CLCN1: variants seen among roughly 807,000 people sequenced by gnomAD.
The protein encoded by CLCN1 is chloride voltage-gated channel 1.
CLCN1 carries 100 observed loss-of-function variants against 114.5 expected under a neutral mutation model. The observed-to-expected ratio is 0.87, with a 90% CI of 0.74 to 1.03. The LOEUF (loss-of-function observed/expected upper bound fraction) is 1.03, where lower values mean the gene tolerates loss of function less well. Among genes scored for constraint, CLCN1 ranks in the 50% least tolerant of loss-of-function variants. The probability of loss-of-function intolerance (pLI) is 0.00; values close to 1 mark genes in which losing one functional copy is unlikely to be tolerated. For synonymous variants in CLCN1, 485 were observed against 487.1 expected, an observed-to-expected ratio of 1.00 and a Z score of 0.06; for missense variants, 1,188 against 1,250.0, an observed-to-expected ratio of 0.95 and a Z score of 0.75.
chr7:143,328,168 T>C (rs981898362), intron 7 of CLCN1, among the ~76,000 whole-genome samples: 2 of 152,220 alleles, frequency 1.3e-5, no homozygotes, highest in Non-Finnish European at 2.9e-5. Context: ...GAGACCATTT[T>C]TGCAGCGGGG....
Position 143,321,396 on chromosome 7 carries a change from C to G in CLCN1, c.465C>G (p.Pro155=), listed in dbSNP as rs1031257724. 1 of 1,614,240 alleles carries G rather than the reference C, an allele frequency of 6.2e-7. No individual in the cohort carries two copies. Among genetic ancestry groups the G allele is most frequent in the Admixed American group, 1.7e-5 (1 of 60,036 alleles). The change falls in exon 4 of 23, where the codon CCC becomes CCG. Residue 155 remains proline, a synonymous_variant. Transcript: ENST00000343257. This position sits in a 1 kb window ranked among gnomAD's most constrained non-coding sequence, Gnocchi z 4.2. ...AYKWSYAQMQ[P]SLPLQFLVWV... ...AGTGGTCCTACGCGCAGATGCAGCC[C>G]AGCCTTCCTCTGCAGTTCCTGGTCT...
rs1242799119 is a variant in CLCN1 at position 143,350,514 on chromosome 7, G to T, written c.2508+38G>T. The T allele has an allele frequency of 6.2e-7, 1 of 1,609,880 alleles. No individual in the cohort carries two copies. Among genetic ancestry groups the T allele is most frequent in the Admixed American group, 1.7e-5 (1 of 60,020 alleles). ...CTGACTGCTCAGGGCTGTGGGGAAGGCAGGAGAGCTGTGGGGCAAGGAACA... is the reference window on the plus strand; with the variant it reads ...CTGACTGCTCAGGGCTGTGGGGAAGTCAGGAGAGCTGTGGGGCAAGGAACA... On this transcript the variant is annotated intron_variant, in intron 21 of 22. Coordinates refer to ENST00000343257, the MANE Select transcript of CLCN1 (RefSeq NM_000083.3). This position sits in a 1 kb window ranked among gnomAD's most constrained non-coding sequence, Gnocchi z 5.1.
chr7:143,342,251 A>G, intron 15 of CLCN1, 109 bp downstream of exon 15: 1 of 1,479,930 alleles, frequency 6.8e-7, no homozygotes, highest in Non-Finnish European at 9.4e-7. Flanking sequence ...TTAAATTATT[A>G]TTATATTCTC....
intron 7 of CLCN1, among the ~76,000 whole-genome samples, chr7:143,325,248 T>TA (rs1447522790): frequency 6.6e-6 from 1 of 152,212 alleles, no homozygotes; most frequent in African/African-American, 2.4e-5. Context: ...ACCAAGTTGA[T>TA]ATGTGAAGAA....
intron 20 of CLCN1, 58 bp downstream of exon 20, chr7:143,347,007 A>G: frequency 1.4e-6 from 2 of 1,401,374 alleles, no homozygotes; most frequent in South Asian, 2.3e-5. Flanking sequence ...AGATATTGCT[A>G]ATTTGTTTCT....
At position 143,332,837 on chromosome 7, in the gene CLCN1, C is replaced by T. The variant is rs779313772; in HGVS notation, c.1365C>T (p.Asn455=). The T allele has an allele frequency of 1.7e-5, 27 of 1,614,052 alleles. No homozygotes were observed. In the East Asian group the frequency reaches 2.2e-4, roughly 13 times the overall value. ...CTGTGTGGATTCACCCCCGGGTCAACGTTGTCATCATCATCTTTCTCTTCT... is the reference window on the plus strand; with the variant it reads ...CTGTGTGGATTCACCCCCGGGTCAATGTTGTCATCATCATCTTTCTCTTCT... ...QSAVWIHPRV[N]VVIIIFLFFV... Residue 455 remains asparagine, a synonymous_variant, in exon 12 of 23, where the codon AAC becomes AAT. Transcript: ENST00000343257.
chr7:143,336,219 C>T (rs1802884208), intron 12 of CLCN1, among the ~76,000 whole-genome samples: 1 of 151,754 alleles, frequency 6.6e-6, no homozygotes, highest in Non-Finnish European at 1.5e-5. Flanking sequence ...CATTTTACTC[C>T]TTCTAATGAA....
chr7:143,331,166 C>A (rs777059595), intron 8 of CLCN1, 66 bp from the exon 9 acceptor site: 1 of 1,234,542 alleles, frequency 8.1e-7, no homozygotes, highest in Non-Finnish European at 1.2e-6. Context: ...GAAAACTGCC[C>A]ACCTCTGTTT....
chr7:143,319,940 T>C, intron 2 of CLCN1, 65 bp downstream of exon 2: 4 of 1,576,440 alleles, frequency 2.5e-6, no homozygotes, highest in Non-Finnish European at 2.6e-6. Context: ...GGAGAATAAC[T>C]TGGGCATCCC....
intron 1 of CLCN1, among the ~76,000 whole-genome samples, chr7:143,319,093 G>A (rs1324940604): frequency 6.6e-6 from 1 of 152,182 alleles, no homozygotes; most frequent in Non-Finnish European, 1.5e-5. Flanking sequence ...ACCAGACCTG[G>A]GGGAGCTGCT....
chr7:143,328,531 A>C (rs184693496), intron 7 of CLCN1, among the ~76,000 whole-genome samples: 1 of 152,350 alleles, frequency 6.6e-6, no homozygotes, highest in East Asian at 1.9e-4. Flanking sequence ...TGCTAGGGAA[A>C]GTGTCCCAGA....
chr7:143,325,517 C>T (rs920324538), intron 7 of CLCN1, among the ~76,000 whole-genome samples: 2 of 152,174 alleles, frequency 1.3e-5, no homozygotes, highest in African/African-American at 2.4e-5. Flanking sequence ...ACATTTCTGT[C>T]CTCAGCTCTA....
chr7:143,337,047 G>A (rs1802922796), intron 12 of CLCN1, among the ~76,000 whole-genome samples: 2 of 152,168 alleles, frequency 1.3e-5, no homozygotes, highest in East Asian at 1.9e-4. Flanking sequence ...AGTGCCTATA[G>A]CCCTATCTGC....
chr7:143,351,306 C>T (rs1447653729), intron 22 of CLCN1, among the ~76,000 whole-genome samples: 1 of 152,056 alleles, frequency 6.6e-6, no homozygotes, highest in East Asian at 1.9e-4. Flanking sequence ...GGAAAAAAGG[C>T]AGTGGGGGGA....
rs1273524525 is a variant in CLCN1, at chr7:143,345,763, G to A, written c.2172+1G>A. 6.2e-7 allele frequency: 1 copy of A among 1,607,490 alleles called. No individual in the cohort carries two copies. The highest frequency in any genetic ancestry group is 8.5e-7 in the Non-Finnish European group (1 of 1,177,712). ...CGAAGACCTCTCTGGCAAGAGCGAG[G>A]TGACCGCGCCGGGAAGGGCTAGGGA... On this transcript the variant is annotated splice_donor_variant, in intron 17 of 22. Transcript: ENST00000343257. LOFTEE classifies it high-confidence loss of function.
intron 7 of CLCN1, among the ~76,000 whole-genome samples, chr7:143,325,119 G>C (rs1481946684): frequency 2.0e-5 from 3 of 152,210 alleles, no homozygotes; most frequent in Non-Finnish European, 4.4e-5. Flanking sequence ...ATTAACAAAT[G>C]GATGTAGTCG....
chr7:143,317,111 A>G (rs1406613474), intron 1 of CLCN1, among the ~76,000 whole-genome samples: 2 of 152,204 alleles, frequency 1.3e-5, no homozygotes, highest in Non-Finnish European at 2.9e-5. Flanking sequence ...GGGGATGGGC[A>G]CAACTAAAGG....
Position 143,350,478 on chromosome 7 carries a change from TGA to T in CLCN1, c.2508+4_2508+5del, listed in dbSNP as rs1389311187. On this transcript the variant is annotated splice_donor_region_variant and intron_variant, in intron 21 of 22. Transcript: ENST00000343257. The surrounding 1 kb of genome is among the most constrained non-coding windows in gnomAD (Gnocchi z 5.1). ...GTGGAGCAGACAACCCTGCACAAGG[TGA>T]GTCTTTTGCTGACTGCTCAGGGCTG... 7 of 1,612,664 alleles carry T rather than the reference TGA, an allele frequency of 4.3e-6. No individual in the cohort carries two copies. In the East Asian group the frequency reaches 1.6e-4, roughly 36 times the overall value.
At chr7:143,320,911 G>A in intron 3 of CLCN1, 116 bp downstream of exon 3, 2 of 1,254,472 alleles carry the variant, frequency 1.6e-6, no homozygotes, top group Non-Finnish European at 2.3e-6. Context: ...AGCGAATATT[G>A]CGCAGAGAGG....
Sources: gnomAD v4.1 joint callset for allele counts (sites outside exome capture counted in the v4.1 genomes callset) on GRCh38, gnomAD v4.1.1 for gene constraint, Gnocchi (gnomAD v3.1) non-coding constraint, MANE v1.5 for transcripts, NCBI Gene and HGNC (gene_info 2026-07-23, HGNC 2026-07-21) for gene names.